The following SIK2 variants were observed in gnomAD, a reference collection of about 807,000 sequenced individuals.
The protein encoded by SIK2 is salt inducible kinase 2.
Under a neutral mutation model 103.2 loss-of-function variants are expected in SIK2, and 29 were observed. The observed-to-expected ratio is 0.28, with a 90% CI of 0.21 to 0.38. The LOEUF (loss-of-function observed/expected upper bound fraction) is 0.38. Among genes scored for constraint, SIK2 ranks in the 10% least tolerant of loss-of-function variants. The pLI, the probability that SIK2 is intolerant of heterozygous loss-of-function variation, is 1.00. For synonymous variants in SIK2, 412 were observed against 446.1 expected, an observed-to-expected ratio of 0.92 and a Z score of 0.96; for missense variants, 879 against 1,171.0, an observed-to-expected ratio of 0.75 and a Z score of 3.64.
chr11:111,634,635 A>G (rs145880727), intron 3 of SIK2, among the ~76,000 whole-genome samples: 8 of 152,184 alleles, frequency 5.3e-5, no homozygotes, highest in Non-Finnish European at 1.0e-4. Flanking sequence ...CATCCTCCAT[A>G]TTACTATCAA....
At chr11:111,713,945 C>T (rs926268875) in intron 9 of SIK2, among the ~76,000 whole-genome samples, 4 of 151,828 alleles carry the variant, frequency 2.6e-5, no homozygotes, top group African/African-American at 9.7e-5. Context: ...CCAGCCCAGG[C>T]GACAGTGCAA....
intron 3 of SIK2, among the ~76,000 whole-genome samples, chr11:111,653,817 G>A (rs1007934674): frequency 1.3e-5 from 2 of 152,180 alleles, no homozygotes; most frequent in Admixed American, 1.3e-4. Flanking sequence ...AGGTGTCTGT[G>A]GTGTAAATTA....
At chr11:111,656,299 T>C (rs531603095) in intron 3 of SIK2, among the ~76,000 whole-genome samples, 10 of 152,332 alleles carry the variant, frequency 6.6e-5, no homozygotes, top group African/African-American at 2.4e-4. Flanking sequence ...ATATTTATAT[T>C]ACTTTTAACT....
At chr11:111,694,980 G>A (rs750943857) in intron 4 of SIK2, among the ~76,000 whole-genome samples, 1 of 152,184 alleles carries the variant, frequency 6.6e-6, no homozygotes, top group Non-Finnish European at 1.5e-5. Context: ...ATGGGAGAGT[G>A]ACTGATGTTT....
intron 3 of SIK2, among the ~76,000 whole-genome samples, chr11:111,629,776 T>G (rs1437844847): frequency 6.6e-6 from 1 of 152,180 alleles, no homozygotes; most frequent in Non-Finnish European, 1.5e-5. Flanking sequence ...AGATATCATT[T>G]CACATCAGTT....
chr11:111,708,796 T>C (rs1315765016), intron 8 of SIK2, among the ~76,000 whole-genome samples: 1 of 152,044 alleles, frequency 6.6e-6, no homozygotes, highest in Admixed American at 6.6e-5. Flanking sequence ...CAATGTTGCC[T>C]AGGCTGGTCT....
chr11:111,682,599 T>C (rs1942791129), intron 3 of SIK2, among the ~76,000 whole-genome samples: 2 of 152,148 alleles, frequency 1.3e-5, no homozygotes, highest in South Asian at 2.1e-4. Flanking sequence ...AACAAATTGA[T>C]GTCAAAAATT....
rs1050003090 is a variant in SIK2 at position 111,667,574 on chromosome 11, C to G, written c.317-20427C>G. Among the ~76,000 whole-genome samples, 4 of 150,692 alleles carry G rather than the reference C, an allele frequency of 2.7e-5. No homozygotes were observed. In the East Asian group the frequency reaches 7.8e-4, roughly 29 times the overall value. On this transcript the variant is annotated intron_variant, in intron 3 of 14. Transcript: ENST00000304987. ...TGGCACAATCTCAGCTCACTGCAAC[C>G]TCCACCTCCTGGGCTCAAGCAATTC...
intron 3 of SIK2, among the ~76,000 whole-genome samples, chr11:111,670,336 ATC>A (rs1942608592): frequency 6.6e-6 from 1 of 152,258 alleles, no homozygotes; most frequent in African/African-American, 2.4e-5. Context: ...TTTGTCATAC[ATC>A]TGCATGATTA....
chr11:111,729,462 T>C lies in SIK2; in HGVS notation c.*5333T>C, dbSNP rs944467155. The stretch of plus-strand genomic sequence containing the variant: ...GAAATTAGCTGGGGAGATACTGTCC[T>C]TATTTTTCACAGCTGAAGAAACCAA... On this transcript the variant is annotated 3_prime_UTR_variant, in exon 15 of 15. Coordinates refer to ENST00000304987, the MANE Select transcript of SIK2 (RefSeq NM_015191.3). 1.3e-5 allele frequency: 2 copies of C among 152,266 alleles called. No individual in the cohort carries two copies. The highest frequency in any genetic ancestry group is 4.8e-5 in the African/African-American group (2 of 41,466). 9.4% of individuals were successfully genotyped at this position (152,266 alleles called of 1,614,324 possible).
intron 9 of SIK2, among the ~76,000 whole-genome samples, chr11:111,715,603 T>C (rs935069817): frequency 2.6e-5 from 4 of 152,132 alleles, no homozygotes; most frequent in African/African-American, 9.7e-5. Flanking sequence ...CTTTCTGAGA[T>C]AGTTGCCCAA....
chr11:111,722,861 T>C lies in SIK2; in HGVS notation c.2147+105T>C, dbSNP rs773242830. ...CTCACATTCGCCACTACTAGGAAAA[T>C]AGGTTTTCTGCGTGTGTCACAGGCC... On this transcript the variant is annotated intron_variant, in intron 14 of 14. Coordinates refer to ENST00000304987, the MANE Select transcript of SIK2 (RefSeq NM_015191.3). The surrounding 1 kb of genome is among the most constrained non-coding windows in gnomAD (Gnocchi z 4.4). The C allele has an allele frequency of 1.5e-5, 16 of 1,051,962 alleles. No homozygotes were observed. The highest frequency in any genetic ancestry group is 8.6e-5 in the Admixed American group (4 of 46,330). The allele number at this position is 1,051,962 out of a possible 1,614,324, so 65.2% of individuals were successfully genotyped here. A position where few individuals can be genotyped will look rare whatever the true frequency, so the allele number is the denominator to read the frequency against.
intron 4 of SIK2, among the ~76,000 whole-genome samples, chr11:111,697,017 T>C (rs1429284759): frequency 1.3e-5 from 2 of 152,206 alleles, no homozygotes; most frequent in East Asian, 3.8e-4. Flanking sequence ...TTGCTGCCAC[T>C]TTTTAACCCT....
intron 3 of SIK2, among the ~76,000 whole-genome samples, chr11:111,625,272 A>T (rs1941946789): frequency 6.6e-6 from 1 of 152,152 alleles, no homozygotes. Flanking sequence ...AAGGGTGGAG[A>T]CAGGGAAACC....
intron 1 of SIK2, among the ~76,000 whole-genome samples, chr11:111,603,867 G>A (rs915318891): frequency 1.3e-5 from 2 of 152,170 alleles, no homozygotes; most frequent in Non-Finnish European, 2.9e-5. Context: ...AATAAAGTAG[G>A]ACTTCTTTTC....
At chr11:111,649,363 C>T (rs748467962) in intron 3 of SIK2, among the ~76,000 whole-genome samples, 12 of 152,036 alleles carry the variant, frequency 7.9e-5, no homozygotes, top group Non-Finnish European at 1.6e-4. Context: ...AATCAGGTAA[C>T]ATCTCACTAT....
chr11:111,618,681 ATAAT>A (rs1941841155), intron 2 of SIK2, among the ~76,000 whole-genome samples: 3 of 152,296 alleles, frequency 2.0e-5, no homozygotes, highest in South Asian at 2.1e-4. Context: ...CTAAAAATAA[ATAAT>A]TAATTAATTA....
chr11:111,705,206 A>G lies in SIK2; in HGVS notation c.1101+67A>G, dbSNP rs567494634. On this transcript the variant is annotated intron_variant, in intron 8 of 14. Coordinates refer to ENST00000304987, the MANE Select transcript of SIK2 (RefSeq NM_015191.3). The surrounding 1 kb of genome is among the most constrained non-coding windows in gnomAD (Gnocchi z 4.3). The stretch of plus-strand genomic sequence containing the variant: ...TGTTCACATGTTTGATACATTTTTC[A>G]TCTTATACACAGGGTTAGGATTTCA... 2.1e-6 allele frequency: 3 copies of G among 1,433,368 alleles called. No homozygotes were observed. Among genetic ancestry groups the G allele is most frequent in the South Asian group, 1.7e-5 (1 of 59,710 alleles). 88.8% of individuals were successfully genotyped at this position (1,433,368 alleles called of 1,614,324 possible). A position where few individuals can be genotyped will look rare whatever the true frequency, so the allele number is the denominator to read the frequency against.
intron 3 of SIK2, among the ~76,000 whole-genome samples, chr11:111,628,993 A>G (rs1942002552): frequency 6.6e-6 from 1 of 152,136 alleles, no homozygotes; most frequent in Non-Finnish European, 1.5e-5. Flanking sequence ...GATGATGCCT[A>G]TAAGGGAGTT....
Sources: allele counts gnomAD v4.1 joint callset (sites outside exome capture counted in the v4.1 genomes callset), GRCh38; gene constraint gnomAD v4.1.1; non-coding constraint Gnocchi (gnomAD v3.1); transcripts MANE v1.5; gene names NCBI Gene and HGNC (gene_info 2026-07-23, HGNC 2026-07-21).